ROBO2: variants seen among roughly 807,000 people sequenced by gnomAD.
The protein encoded by ROBO2 is roundabout homolog 2.
In ROBO2, 53 loss-of-function variants were observed where a neutral mutation model predicts 160.8. The observed-to-expected ratio is 0.33, with a 90% CI of 0.26 to 0.41. ROBO2 has a LOEUF of 0.41. ROBO2 is among the 10% of genes least tolerant of loss of function. The pLI is 1.00. For synonymous variants in ROBO2, 664 were observed against 611.7 expected (o/e 1.09, Z -1.26); for missense variants, 1,577 against 1,722.4 (o/e 0.92, Z 1.49).
At chr3:76,333,190 A>G (rs1318668482) in intron 2 of ROBO2, among the ~76,000 whole-genome samples, 2 of 152,142 alleles carry the variant, frequency 1.3e-5, no homozygotes, top group African/African-American at 2.4e-5. Context: ...TAACCTCTCT[A>G]AAAGCTGTGT....
chr3:77,217,384 C>G (rs987587540), intron 2 of ROBO2, among the ~76,000 whole-genome samples: 1 of 152,108 alleles, frequency 6.6e-6, no homozygotes, highest in South Asian at 2.1e-4. Flanking sequence ...CTCAGGTGAT[C>G]TACCTGCCTC....
chr3:76,927,000 T>A (rs1245337624), intron 2 of ROBO2, among the ~76,000 whole-genome samples: 1 of 152,166 alleles, frequency 6.6e-6, no homozygotes, highest in Non-Finnish European at 1.5e-5. Context: ...CCAGCCTCAC[T>A]TTAGACTAAA....
intron 2 of ROBO2, among the ~76,000 whole-genome samples, chr3:76,263,953 G>A (rs1706932890): frequency 6.6e-6 from 1 of 152,130 alleles, no homozygotes; most frequent in Non-Finnish European, 1.5e-5. Context: ...ATCATTGTCA[G>A]CAAACTAACA....
chr3:75,964,078 A>G (rs1949020665), intron 2 of ROBO2, among the ~76,000 whole-genome samples: 1 of 151,776 alleles, frequency 6.6e-6, no homozygotes, highest in Admixed American at 6.6e-5. Context: ...GACCAGGTTA[A>G]TCATGTTACT....
At chr3:76,212,512 G>A (rs1019456765) in intron 2 of ROBO2, among the ~76,000 whole-genome samples, 1 of 151,840 alleles carries the variant, frequency 6.6e-6, no homozygotes, top group East Asian at 1.9e-4. Flanking sequence ...AATGTTCTTA[G>A]CAATTAGATT....
At chr3:76,436,259 G>C (rs2076678877) in intron 2 of ROBO2, among the ~76,000 whole-genome samples, 1 of 151,598 alleles carries the variant, frequency 6.6e-6, no homozygotes, top group African/African-American at 2.4e-5. Flanking sequence ...GTGCAGGTTA[G>C]TTACATATGT....
intron 2 of ROBO2, among the ~76,000 whole-genome samples, chr3:77,273,396 T>G (rs1355073457): frequency 6.6e-6 from 1 of 152,176 alleles, no homozygotes; most frequent in Non-Finnish European, 1.5e-5. Flanking sequence ...GGATCCTTGC[T>G]GAAGTACCAG....
intron 2 of ROBO2, among the ~76,000 whole-genome samples, chr3:76,458,392 C>T (rs2077896199): frequency 6.6e-6 from 1 of 152,176 alleles, no homozygotes; most frequent in Non-Finnish European, 1.5e-5. Flanking sequence ...TTCCTCATCT[C>T]CATATGAGAC....
chr3:77,432,962 G>A (rs2078926144), intron 2 of ROBO2, among the ~76,000 whole-genome samples: 2 of 152,286 alleles, frequency 1.3e-5, no homozygotes, highest in South Asian at 4.1e-4. Context: ...GAATGGGATT[G>A]GATTGTTTCT....
intron 7 of ROBO2, among the ~76,000 whole-genome samples, chr3:77,547,901 G>C (rs964102267): frequency 6.6e-6 from 1 of 151,658 alleles, no homozygotes; most frequent in African/African-American, 2.4e-5. Flanking sequence ...AGATGTTAGC[G>C]TCTCAGACTC....
chr3:76,325,123 C>G (rs1355026159), intron 2 of ROBO2, among the ~76,000 whole-genome samples: 1 of 152,140 alleles, frequency 6.6e-6, no homozygotes, highest in Non-Finnish European at 1.5e-5. Context: ...AACAAACAAA[C>G]AAAACAGATC....
intron 2 of ROBO2, among the ~76,000 whole-genome samples, chr3:77,388,664 C>T (rs990781116): frequency 1.1e-4 from 17 of 152,242 alleles, no homozygotes; most frequent in Middle Eastern, 6.8e-3. Context: ...ACTTCTCTCA[C>T]AATTAATATC....
At chr3:75,965,270 CTG>C (rs1164166563) in intron 2 of ROBO2, among the ~76,000 whole-genome samples, 2 of 151,774 alleles carry the variant, frequency 1.3e-5, no homozygotes, top group African/African-American at 2.4e-5. Flanking sequence ...ATTTCTAACT[CTG>C]TGTTGCAGAT....
intron 2 of ROBO2, among the ~76,000 whole-genome samples, chr3:76,266,987 T>C (rs1192620513): frequency 2.0e-5 from 3 of 152,172 alleles, no homozygotes; most frequent in Admixed American, 6.6e-5. Flanking sequence ...AATTGAAATA[T>C]TTTTAATTGT....
chr3:77,526,574 G>A (rs2091181669), intron 6 of ROBO2, among the ~76,000 whole-genome samples: 1 of 151,490 alleles, frequency 6.6e-6, no homozygotes, highest in African/African-American at 2.4e-5. Context: ...TAAATTGATA[G>A]CGTGTTATTC....
chr3:75,970,310 T>C (rs2107351957), intron 2 of ROBO2, among the ~76,000 whole-genome samples: 1 of 151,662 alleles, frequency 6.6e-6, no homozygotes, highest in Non-Finnish European at 1.5e-5. Context: ...AAGGTTTATA[T>C]TGCTTCATAA....
intron 2 of ROBO2, among the ~76,000 whole-genome samples, chr3:76,396,647 A>G (rs1379326226): frequency 1.3e-5 from 2 of 152,130 alleles, no homozygotes; most frequent in Non-Finnish European, 1.5e-5. Context: ...AAATCAATGT[A>G]CAAAAATCAC....
intron 2 of ROBO2, among the ~76,000 whole-genome samples, chr3:76,424,960 C>T (rs2076150172): frequency 6.6e-6 from 1 of 152,138 alleles, no homozygotes; most frequent in Admixed American, 6.6e-5. Flanking sequence ...TTGGAAATCT[C>T]ATCTTCCACC....
intron 13 of ROBO2, among the ~76,000 whole-genome samples, chr3:77,572,631 A>G (rs1004533792): frequency 2.5e-4 from 26 of 105,532 alleles, no homozygotes; most frequent in Non-Finnish European, 4.2e-4. Flanking sequence ...TTAGCCGTAC[A>G]TAGAAACACA....
Sources: gnomAD v4.1 joint callset for allele counts (sites outside exome capture counted in the v4.1 genomes callset) on GRCh38, gnomAD v4.1.1 for gene constraint, MANE v1.5 for transcripts, NCBI Gene and HGNC (gene_info 2026-07-23, HGNC 2026-07-21) for gene names.